NREP: variants seen among roughly 807,000 people sequenced by gnomAD.
NREP encodes neuronal regeneration-related protein.
NREP carries 5 observed loss-of-function variants against 8.6 expected under a neutral mutation model. The observed-to-expected ratio is 0.58, with a 90% confidence interval of 0.30 to 1.22. The LOEUF is 1.22. Among genes scored for constraint, NREP ranks in the 50% most tolerant of loss-of-function variants. The pLI is 0.07. For synonymous variants in NREP, 27 were observed against 28.0 expected (o/e 0.96, Z 0.11); for missense variants, 86 against 82.5 (o/e 1.04, Z -0.17).
chr5:111,976,892 G>A, exon 1 of NREP: 2 of 596,200 alleles, frequency 3.4e-6, no homozygotes, highest in Non-Finnish European at 3.0e-6. Context: ...TGCACTGCCT[G>A]GAAAAGTAAT....
At chr5:111,880,213 C>T (rs1285702372) in intron 2 of NREP, among the ~76,000 whole-genome samples, 1 of 152,060 alleles carries the variant, frequency 6.6e-6, no homozygotes, top group Admixed American at 6.6e-5. Context: ...GGGTACCTAC[C>T]TCATTGGGTT....
chr5:111,743,483 T>C (rs1488054100), intron 2 of NREP, among the ~76,000 whole-genome samples: 2 of 152,162 alleles, frequency 1.3e-5, no homozygotes, highest in Admixed American at 6.5e-5. Flanking sequence ...ATTATATAAA[T>C]TGGTTTTAAT....
At chr5:111,909,182 A>G (rs1581209458) in intron 2 of NREP, among the ~76,000 whole-genome samples, 1 of 152,014 alleles carries the variant, frequency 6.6e-6, no homozygotes, top group Admixed American at 6.6e-5. Context: ...TTGTCTGTTT[A>G]CTCTGTTGAT....
At chr5:111,774,476 T>C (rs560155458) in intron 2 of NREP, among the ~76,000 whole-genome samples, 1 of 152,310 alleles carries the variant, frequency 6.6e-6, no homozygotes, top group African/African-American at 2.4e-5. Flanking sequence ...GCCCACCTAA[T>C]CACACTTGGG....
chr5:111,757,267 GA>G (rs1466329241), upstream of NREP: 3 of 126,314 alleles, frequency 2.4e-5, no homozygotes, highest in African/African-American at 8.7e-5. Context: ...AGGGGGAGGG[GA>G]AAGGGGTGGA....
intron 2 of NREP, among the ~76,000 whole-genome samples, chr5:111,856,705 C>T (rs748437453): frequency 1.3e-5 from 2 of 150,554 alleles, no homozygotes; most frequent in Non-Finnish European, 3.0e-5. Flanking sequence ...TTGGGGCATT[C>T]AAATTTGCCT....
At chr5:111,901,472 A>C (rs748883639) in intron 2 of NREP, among the ~76,000 whole-genome samples, 11 of 152,108 alleles carry the variant, frequency 7.2e-5, no homozygotes, top group Non-Finnish European at 1.6e-4. Flanking sequence ...TGGAAGTCCT[A>C]GACACAGCCA....
At chr5:111,875,291 G>C (rs531655250) in intron 2 of NREP, among the ~76,000 whole-genome samples, 1 of 151,700 alleles carries the variant, frequency 6.6e-6, no homozygotes, top group East Asian at 1.9e-4. Flanking sequence ...AGGCCTCTGA[G>C]GCAAATAGAA....
At chr5:111,839,996 C>G (rs778105370) in intron 2 of NREP, among the ~76,000 whole-genome samples, 1 of 152,024 alleles carries the variant, frequency 6.6e-6, no homozygotes, top group Non-Finnish European at 1.5e-5. Context: ...ACATCCTGAT[C>G]GTGTTTCAGA....
chr5:111,760,650 G>A (rs1489776994), upstream of NREP, among the ~76,000 whole-genome samples: 4 of 152,194 alleles, frequency 2.6e-5, no homozygotes, highest in East Asian at 7.7e-4. Flanking sequence ...TGTGAAGAAT[G>A]AGAAAGAGTC....
At position 111,900,943 on chromosome 5, in the gene NREP, A is replaced by T. The variant is rs76766861; in HGVS notation, c.135+74331T>A. 4.5e-4 allele frequency among the ~76,000 whole-genome samples: 68 copies of T among 152,272 alleles called. 1 individual carries two copies. In the East Asian group the frequency reaches 0.012, roughly 27 times the overall value. On this transcript the variant is annotated intron_variant, in intron 2 of 3. Transcript: ENST00000395634. ...ATTATCCTGACACCAAAACCAGACT[A>T]GGCTACAACAAATAAAGAAAACTGC...
chr5:111,730,907 T>C lies in NREP; in HGVS notation c.*14A>G, dbSNP rs1288915805. 2.5e-6 allele frequency: 4 copies of C among 1,613,468 alleles called. No homozygotes were observed. The highest frequency in any genetic ancestry group is 1.3e-5 in the African/African-American group (1 of 74,854). On this transcript the variant is annotated 3_prime_UTR_variant, in exon 4 of 4. Transcript: ENST00000257435. The stretch of plus-strand genomic sequence containing the variant: ...ACCCATACACCATATGTAATACAAA[T>C]GGAGGTGTTACGATTAAAAAAAGTG...
intron 2 of NREP, among the ~76,000 whole-genome samples, chr5:111,809,130 G>T (rs1752210188): frequency 6.6e-6 from 1 of 151,970 alleles, no homozygotes; most frequent in East Asian, 1.9e-4. Context: ...AGATGTTAAG[G>T]CATTTTTTAA....
At chr5:111,884,969 A>G (rs953970236) in intron 2 of NREP, among the ~76,000 whole-genome samples, 4 of 152,148 alleles carry the variant, frequency 2.6e-5, no homozygotes, top group South Asian at 4.1e-4. Flanking sequence ...TGGAAGTTCT[A>G]GCCAGGGCAA....
intron 2 of NREP, among the ~76,000 whole-genome samples, chr5:111,884,340 C>G (rs1169293917): frequency 1.3e-5 from 2 of 151,704 alleles, no homozygotes; most frequent in South Asian, 4.2e-4. Context: ...CAATAGTTTA[C>G]CAACCAAAAA....
intron 2 of NREP, among the ~76,000 whole-genome samples, chr5:111,956,710 T>C (rs1044075226): frequency 5.9e-5 from 9 of 152,148 alleles, no homozygotes; most frequent in African/African-American, 2.2e-4. Context: ...ATGCCTATAA[T>C]CCCAGCACTT....
chr5:111,886,989 A>G (rs138919848), intron 2 of NREP, among the ~76,000 whole-genome samples: 206 of 149,194 alleles, frequency 1.4e-3, no homozygotes, highest in Middle Eastern at 0.01. Context: ...AAAATAAAAA[A>G]TAGAAAAAAT....
At chr5:111,889,469 A>G (rs1342623096) in intron 2 of NREP, among the ~76,000 whole-genome samples, 1 of 152,186 alleles carries the variant, frequency 6.6e-6, no homozygotes, top group Non-Finnish European at 1.5e-5. Flanking sequence ...GAAGGGACAA[A>G]TATCCAAACT....
At chr5:111,871,491 C>G (rs1287159701) in intron 2 of NREP, among the ~76,000 whole-genome samples, 1 of 151,946 alleles carries the variant, frequency 6.6e-6, no homozygotes, top group African/African-American at 2.4e-5. Flanking sequence ...TTAGGCTACA[C>G]TAAATATATT....
Sources: gnomAD v4.1 joint callset for allele counts (sites outside exome capture counted in the v4.1 genomes callset) on GRCh38, gnomAD v4.1.1 for gene constraint, MANE v1.5 for transcripts, NCBI Gene and HGNC (gene_info 2026-07-23, HGNC 2026-07-21) for gene names.